FOXP1: variants seen among roughly 807,000 people sequenced by gnomAD.
FOXP1 encodes the protein forkhead box protein P1.
Under a neutral mutation model 98.2 loss-of-function variants are expected in FOXP1, and 15 were observed. That is an observed-to-expected ratio of 0.15 (90% confidence interval 0.10 to 0.24). The LOEUF is 0.24. Ranked by LOEUF, FOXP1 falls within the 10% of genes least tolerant of loss-of-function variation. The probability of loss-of-function intolerance (pLI) is 1.00; values close to 1 mark genes in which losing one functional copy is unlikely to be tolerated. For synonymous variants in FOXP1, 371 were observed against 314.5 expected, an observed-to-expected ratio of 1.18 and a Z score of -1.90; for missense variants, 633 against 848.5, an observed-to-expected ratio of 0.75 and a Z score of 3.15.
At chr3:70,973,835 G>GCCCCCCCCCCCCCCCCCCCCCC (rs56950015) in intron 17 of FOXP1, among the ~76,000 whole-genome samples, 33 of 36,732 alleles carry the variant, frequency 9.0e-4, no homozygotes, top group Middle Eastern at 0.015. Flanking sequence ...TTTGCACACC[G>GCCCCCCCCCCCCCCCCCCCCCC]CCCCCCCCCC....
At chr3:71,305,879 C>T (rs1023325715) in intron 4 of FOXP1, 1 of 152,562 alleles carries the variant, frequency 6.6e-6, no homozygotes, top group Non-Finnish European at 1.5e-5. Context: ...CACACTTACC[C>T]GTTCATGGTG....
rs185162109 is a variant in FOXP1 at position 71,000,461 on chromosome 3, T to C, written c.1062+511A>G. On this transcript the variant is annotated intron_variant, in intron 13 of 20. Coordinates refer to ENST00000649528, the MANE Select transcript of FOXP1 (RefSeq NM_001349338.3). ...CCCACATATAACTTCCATTGCGACT[T>C]GGGAAAACACGGTTTTGGGTGCACT... Among the ~76,000 whole-genome samples the C allele has an allele frequency of 2.6e-5, 4 of 152,224 alleles. No homozygotes were observed. The East Asian group carries it at 7.7e-4, about 29-fold the overall frequency.
At chr3:71,461,423 A>C (rs944179873) in intron 3 of FOXP1, among the ~76,000 whole-genome samples, 1 of 152,168 alleles carries the variant, frequency 6.6e-6, no homozygotes, top group Non-Finnish European at 1.5e-5. Flanking sequence ...CAGGGTTATG[A>C]CATCAGTTTT....
chr3:71,253,084 G>A (rs1271447748), intron 5 of FOXP1, among the ~76,000 whole-genome samples: 1 of 152,186 alleles, frequency 6.6e-6, no homozygotes. Flanking sequence ...GTGGGGCATG[G>A]CCTGATGCAT....
chr3:71,095,899 T>C (rs887395120), intron 7 of FOXP1, among the ~76,000 whole-genome samples: 2 of 152,192 alleles, frequency 1.3e-5, no homozygotes, highest in African/African-American at 4.8e-5. Flanking sequence ...CTGTACATTT[T>C]AAATCTCAAG....
intron 7 of FOXP1, among the ~76,000 whole-genome samples, chr3:71,112,214 A>G (rs146722937): frequency 2.0e-5 from 3 of 152,280 alleles, no homozygotes; most frequent in East Asian, 1.9e-4. Context: ...TCTAGACCCA[A>G]CATAAGAGAA....
intron 6 of FOXP1, among the ~76,000 whole-genome samples, chr3:71,121,528 A>G (rs960226241): frequency 1.3e-5 from 2 of 151,874 alleles, no homozygotes; most frequent in African/African-American, 2.4e-5. Flanking sequence ...ATAGGGCCCT[A>G]TAACCACCTT....
rs935869094 is a variant in FOXP1, at chr3:71,198,276, G to A, written c.106C>T (p.Arg36Trp). Residue 36 changes from arginine to tryptophan, a missense_variant, in exon 6 of 21, where the codon CGG becomes TGG. Around this residue, in one of 6 missense-constraint regions of FOXP1, gnomAD observed 103 missense variants for 85.5 expected, o/e 1.20. Coordinates refer to ENST00000649528, the MANE Select transcript of FOXP1 (RefSeq NM_001349338.3). The stretch of plus-strand genomic sequence containing the variant: ...ACGGCCGGCGTCTCTCCGTTGGACC[G>A]CCCCTCCCGAAGACCGCCGCACTCT... ...LLECGGLREG[R>W]SNGETPAVDI... is the part of the protein sequence containing the mutation. 1.9e-6 allele frequency: 3 copies of A among 1,614,020 alleles called. No individual in the cohort carries two copies. The highest frequency in any genetic ancestry group is 1.1e-5 in the South Asian group (1 of 91,090).
rs190530406 is a variant in FOXP1, at chr3:71,177,012, G to A, written c.180+21190C>T. ...TGGGAGGCGGAGGTTGCAGTGAGCC[G>A]AGATCGTGCCACTGCACTCCAGCCT... is the stretch of plus-strand genomic sequence containing the variant. On this transcript the variant is annotated intron_variant, in intron 6 of 20. Coordinates refer to ENST00000649528, the MANE Select transcript of FOXP1 (RefSeq NM_001349338.3). Among the ~76,000 whole-genome samples, 656 of 151,660 alleles carry A rather than the reference G, an allele frequency of 4.3e-3. 8 individuals are homozygous for A. Among genetic ancestry groups the A allele is most frequent in the African/African-American group, 0.015 (631 of 41,334 alleles).
chr3:71,383,487 T>C (rs1449099708), intron 3 of FOXP1, among the ~76,000 whole-genome samples: 1 of 152,214 alleles, frequency 6.6e-6, no homozygotes, highest in Non-Finnish European at 1.5e-5. Flanking sequence ...GCATGCACTT[T>C]GAATCAACCT....
intron 4 of FOXP1, among the ~76,000 whole-genome samples, chr3:71,356,254 A>G (rs1301362260): frequency 6.6e-6 from 1 of 150,552 alleles, no homozygotes; most frequent in Non-Finnish European, 1.5e-5. Context: ...AAAGAACTGT[A>G]TGCTTCTCAG....
At chr3:71,058,892 TAA>T (rs776471899) in intron 7 of FOXP1, among the ~76,000 whole-genome samples, 6 of 139,804 alleles carry the variant, frequency 4.3e-5, no homozygotes, top group South Asian at 2.3e-4. Context: ...CTTAAAAAAA[TAA>T]AAAAAAAAAA....
intron 9 of FOXP1, 80 bp from the exon 10 acceptor site, chr3:71,047,175 T>A: frequency 6.6e-7 from 1 of 1,517,692 alleles, no homozygotes; most frequent in East Asian, 2.3e-5. Flanking sequence ...AAACTCACCA[T>A]CATCATCAAA....
intron 5 of FOXP1, among the ~76,000 whole-genome samples, chr3:71,289,375 G>A (rs1452432195): frequency 6.6e-6 from 1 of 150,632 alleles, no homozygotes; most frequent in Admixed American, 6.6e-5. Flanking sequence ...AGTCACTATA[G>A]TCTGTCACCC....
intron 4 of FOXP1, among the ~76,000 whole-genome samples, chr3:71,346,503 C>T (rs2077370424): frequency 6.6e-6 from 1 of 152,182 alleles, no homozygotes; most frequent in African/African-American, 2.4e-5. Context: ...AATACAACCA[C>T]ACAGTAATAG....
At chr3:71,475,898 C>A (rs2089788142) in intron 3 of FOXP1, among the ~76,000 whole-genome samples, 4 of 112,384 alleles carry the variant, frequency 3.6e-5, no homozygotes, top group South Asian at 5.0e-4. Context: ...CTAAACTCTT[C>A]AAGGGAAAAA....
chr3:71,447,941 C>T lies in FOXP1; in HGVS notation c.-168+45485G>A, dbSNP rs532579760. ...GTGTAGACACGTTCAGAGAGAAGAACCTCAAATGACTCATTCTTCCAGTTT... is the reference window on the plus strand; with the variant it reads ...GTGTAGACACGTTCAGAGAGAAGAATCTCAAATGACTCATTCTTCCAGTTT... On this transcript the variant is annotated intron_variant, in intron 3 of 20. Coordinates refer to ENST00000649528, the MANE Select transcript of FOXP1 (RefSeq NM_001349338.3). Among the ~76,000 whole-genome samples, 4 of 152,266 alleles carry T rather than the reference C, an allele frequency of 2.6e-5. No individual in the cohort carries two copies. In the East Asian group the frequency reaches 7.7e-4, roughly 29 times the overall value.
chr3:71,184,006 G>T (rs1293141795), intron 6 of FOXP1, among the ~76,000 whole-genome samples: 1 of 152,062 alleles, frequency 6.6e-6, no homozygotes, highest in Admixed American at 6.6e-5. Flanking sequence ...TAAAAAATTA[G>T]CCCGGCGAGG....
chr3:71,106,218 C>T (rs1044780299), intron 7 of FOXP1, among the ~76,000 whole-genome samples: 2 of 152,256 alleles, frequency 1.3e-5, no homozygotes, highest in African/African-American at 4.8e-5. Context: ...TTATCTATCA[C>T]ACTTTGCATG....
Sources: allele counts gnomAD v4.1 joint callset (sites outside exome capture counted in the v4.1 genomes callset), GRCh38; gene constraint gnomAD v4.1.1; regional missense constraint gnomAD v4.1.1; transcripts MANE v1.5; gene names NCBI Gene and HGNC (gene_info 2026-07-23, HGNC 2026-07-21).